Variants in SULF1 observed in about 807,000 individuals in gnomAD.
The protein encoded by SULF1 is extracellular sulfatase Sulf-1.
In SULF1, 46 loss-of-function variants were observed where a neutral mutation model predicts 110.5. That is an observed-to-expected ratio of 0.42 (90% CI 0.33 to 0.53). The LOEUF (loss-of-function observed/expected upper bound fraction) is 0.53. Among genes scored for constraint, SULF1 ranks in the 20% least tolerant of loss-of-function variants. The pLI is 0.12. For synonymous variants in SULF1, 371 were observed against 387.1 expected (o/e 0.96, Z 0.49); for missense variants, 941 against 1,094.2 (o/e 0.86, Z 1.98).
chr8:69,517,844 C>T (rs1812040842), intron 3 of SULF1, among the ~76,000 whole-genome samples: 1 of 152,134 alleles, frequency 6.6e-6, no homozygotes, highest in South Asian at 2.1e-4. Flanking sequence ...ATCATGCTAA[C>T]ACTGATGAAA....
intron 1 of SULF1, among the ~76,000 whole-genome samples, chr8:69,483,604 C>T (rs1221190545): frequency 3.9e-5 from 6 of 152,196 alleles, no homozygotes; most frequent in South Asian, 2.1e-4. Flanking sequence ...TTCTAGGGCT[C>T]GTATTATATT....
rs555153323 is a variant in SULF1, at chr8:69,497,870, A to C, written c.-229+1944A>C. Among the ~76,000 whole-genome samples the C allele has an allele frequency of 3.9e-5, 6 of 152,294 alleles. No individual in the cohort carries two copies. In the South Asian group the frequency reaches 1.2e-3, roughly 32 times the overall value. ...AGAGCAAAGCCAAACCAAACTCTTA[A>C]AGTACAGCTGTTAAACTATCAAGCT... On this transcript the variant is annotated intron_variant, in intron 2 of 22. Coordinates refer to ENST00000402687, the MANE Select transcript of SULF1 (RefSeq NM_001128205.2).
chr8:69,505,952 A>G (rs916734328), intron 3 of SULF1, among the ~76,000 whole-genome samples: 1 of 151,948 alleles, frequency 6.6e-6, no homozygotes, highest in African/African-American at 2.4e-5. Context: ...CTTTATAAGT[A>G]TATACTAAGT....
At chr8:69,564,488 G>A (rs1441195) in intron 5 of SULF1, among the ~76,000 whole-genome samples, 1 of 152,150 alleles carries the variant, frequency 6.6e-6, no homozygotes, top group Non-Finnish European at 1.5e-5. Context: ...AGAGTATGAG[G>A]ATGTGACTGT....
intron 5 of SULF1, among the ~76,000 whole-genome samples, chr8:69,570,305 G>A (rs1004878603): frequency 6.6e-6 from 1 of 152,268 alleles, no homozygotes; most frequent in East Asian, 1.9e-4. Context: ...AATATTTACT[G>A]TTGAATTTCT....
At chr8:69,635,478 A>T (rs1810919570) in intron 19 of SULF1, among the ~76,000 whole-genome samples, 1 of 152,232 alleles carries the variant, frequency 6.6e-6, no homozygotes, top group Admixed American at 6.5e-5. Flanking sequence ...ATAATTTTTT[A>T]AAATCATTTC....
At chr8:69,569,031 G>T (rs772106991) in intron 5 of SULF1, among the ~76,000 whole-genome samples, 3 of 152,132 alleles carry the variant, frequency 2.0e-5, no homozygotes, top group Non-Finnish European at 2.9e-5. Context: ...TAGCATCAAA[G>T]AAATTGGGCT....
intron 19 of SULF1, among the ~76,000 whole-genome samples, chr8:69,635,299 T>G (rs1427267297): frequency 6.6e-6 from 1 of 152,154 alleles, no homozygotes; most frequent in East Asian, 1.9e-4. Flanking sequence ...AACTATGAAC[T>G]TTGAGTGACA....
intron 3 of SULF1, among the ~76,000 whole-genome samples, chr8:69,547,715 T>C (rs756910620): frequency 2.6e-5 from 4 of 152,128 alleles, no homozygotes; most frequent in Admixed American, 6.5e-5. Flanking sequence ...ATTTTGAAAG[T>C]GTATTGTACG....
intron 5 of SULF1, among the ~76,000 whole-genome samples, chr8:69,570,417 G>A (rs10101068): frequency 8.6e-5 from 13 of 151,984 alleles, no homozygotes; most frequent in African/African-American, 7.3e-5. Flanking sequence ...TATATGTATC[G>A]GGAAAGGTAA....
intron 3 of SULF1, among the ~76,000 whole-genome samples, chr8:69,547,299 T>C (rs750456376): frequency 1.3e-5 from 2 of 152,190 alleles, no homozygotes; most frequent in Admixed American, 6.5e-5. Context: ...TGATGCCTTG[T>C]GAACACAGAA....
chr8:69,563,860 T>C, intron 4 of SULF1, 56 bp from the exon 5 acceptor site: 1 of 1,043,162 alleles, frequency 9.6e-7, no homozygotes, highest in Non-Finnish European at 1.4e-6. Context: ...GCAACTGTGC[T>C]TGGAGTTTGG....
At chr8:69,617,435 GT>G (rs56346127) in intron 13 of SULF1, among the ~76,000 whole-genome samples, 3,553 of 57,278 alleles carry the variant, frequency 0.062, 239 homozygotes, top group Middle Eastern at 0.1. Flanking sequence ...ATATATATAT[GT>G]TTTTTTTTTT....
In SULF1 at chr8:69,510,459, T is replaced by C. The variant is rs111560984; in HGVS notation, c.-134+8491T>C. Among the ~76,000 whole-genome samples, 1,175 of 152,308 alleles carry C rather than the reference T, an allele frequency of 7.7e-3. 24 individuals carry two copies. Among genetic ancestry groups the C allele is most frequent in the African/African-American group, 0.025 (1,053 of 41,564 alleles). On this transcript the variant is annotated intron_variant, in intron 3 of 22. Transcript: ENST00000402687. Reference sequence around the variant, plus strand: ...CAACTTCATTATGCTGTTCTGAAGATTAGATGATTTCAAATGTATAAAGGG... The same window carrying C: ...CAACTTCATTATGCTGTTCTGAAGACTAGATGATTTCAAATGTATAAAGGG...
intron 5 of SULF1, among the ~76,000 whole-genome samples, chr8:69,567,079 C>T (rs952773936): frequency 3.3e-5 from 5 of 152,104 alleles, no homozygotes; most frequent in Non-Finnish European, 7.4e-5. Flanking sequence ...TTATTAAGCA[C>T]CTCCTAAAAA....
chr8:69,614,499 T>C (rs1274996346), intron 13 of SULF1, among the ~76,000 whole-genome samples: 1 of 152,240 alleles, frequency 6.6e-6, no homozygotes, highest in African/African-American at 2.4e-5. Flanking sequence ...ATCATGGTAG[T>C]CAAGATGATG....
At chr8:69,626,955 C>T (rs926968654) in intron 15 of SULF1, among the ~76,000 whole-genome samples, 1 of 152,244 alleles carries the variant, frequency 6.6e-6, no homozygotes, top group Non-Finnish European at 1.5e-5. Flanking sequence ...CCTCAAGTGC[C>T]GCCAAAGTGG....
intron 1 of SULF1, among the ~76,000 whole-genome samples, chr8:69,474,256 A>G (rs1308316813): frequency 6.6e-6 from 1 of 152,218 alleles, no homozygotes; most frequent in Non-Finnish European, 1.5e-5. Context: ...ATGTACATTT[A>G]TTGATCAGTT....
At chr8:69,583,771 A>C (rs907113803) in intron 6 of SULF1, among the ~76,000 whole-genome samples, 2 of 152,212 alleles carry the variant, frequency 1.3e-5, no homozygotes, top group Non-Finnish European at 2.9e-5. Flanking sequence ...CTTACAGTCT[A>C]GCAGGTGTTC....
Sources: gnomAD v4.1 joint callset for allele counts (sites outside exome capture counted in the v4.1 genomes callset) on GRCh38, gnomAD v4.1.1 for gene constraint, MANE v1.5 for transcripts, NCBI Gene and HGNC (gene_info 2026-07-23, HGNC 2026-07-21) for gene names.